Variants in NFXL1 observed in about 807,000 individuals in gnomAD.
NFXL1 encodes nuclear transcription factor, X-box binding like 1, also known as NF-X1-type zinc finger protein NFXL1.
Under a neutral mutation model 123.3 loss-of-function variants are expected in NFXL1, and 66 were observed. The ratio of observed to expected loss-of-function variants is 0.54; its 90% CI spans 0.44 to 0.66. The LOEUF (loss-of-function observed/expected upper bound fraction) is 0.66. NFXL1 is among the 30% of genes least tolerant of loss of function. The pLI is 0.00. For missense variants in NFXL1, 944 were observed against 1,125.6 expected (o/e 0.84, Z 2.31); for synonymous variants, 346 against 360.8 (o/e 0.96, Z 0.46).
intron 20 of NFXL1, among the ~76,000 whole-genome samples, chr4:47,853,940 C>G (rs1277798595): frequency 6.6e-6 from 1 of 152,010 alleles, no homozygotes; most frequent in African/African-American, 2.4e-5. Context: ...GGCCAAAGCC[C>G]AGAAAAGAGT....
intron 19 of NFXL1, among the ~76,000 whole-genome samples, chr4:47,857,222 A>G (rs935568266): frequency 2.0e-5 from 3 of 152,194 alleles, no homozygotes; most frequent in Non-Finnish European, 4.4e-5. Flanking sequence ...GATCACTTCT[A>G]TGTTTTGCAA....
rs1734151913 is a variant in NFXL1, at chr4:47,852,138, AAAGAG to A, written c.2422-201_2422-197del. On this transcript the variant is annotated intron_variant, in intron 20 of 22. Coordinates refer to ENST00000507489, the MANE Select transcript of NFXL1 (RefSeq NM_001278624.2). ...CTTGCTTATTTTCTCTTAACTTAAA[AAAGAG>A]AATACCATAAAATTTTTAAAAATCA... 3 of 461,034 alleles carry A rather than the reference AAAGAG, an allele frequency of 6.5e-6. No homozygotes were observed. The East Asian group carries it at 1.1e-4, about 16-fold the overall frequency. The allele number at this position is 461,034 out of a possible 1,614,324, so 28.6% of individuals were successfully genotyped here. A position where few individuals can be genotyped will look rare whatever the true frequency, so the allele number is the denominator to read the frequency against.
At chr4:47,887,535 A>C (rs1398530157) in intron 12 of NFXL1, among the ~76,000 whole-genome samples, 1 of 152,208 alleles carries the variant, frequency 6.6e-6, no homozygotes, top group African/African-American at 2.4e-5. Context: ...ATGTTAATGC[A>C]AGTCAAGTTA....
At chr4:47,875,028 A>G (rs1735661714) in intron 18 of NFXL1, 99 bp downstream of exon 18, 1 of 670,090 alleles carries the variant, frequency 1.5e-6, no homozygotes, top group African/African-American at 1.9e-5. Context: ...CTAGGCATCT[A>G]GAGTTTAAGC....
rs1737512088 is a variant in NFXL1 at position 47,905,239 on chromosome 4, C to T, written c.514G>A (p.Ala172Thr). 1 of 1,432,032 alleles carries T rather than the reference C, an allele frequency of 7.0e-7. No homozygotes were observed. The highest frequency in any genetic ancestry group is 1.7e-5 in the Admixed American group (1 of 57,264). 88.7% of individuals were successfully genotyped at this position (1,432,032 alleles called of 1,614,324 possible). Residue 172 changes from alanine (A) to threonine (T), a missense_variant and splice_region_variant, in exon 4 of 23, where the codon GCA becomes ACA. Transcript: ENST00000507489. ...ICIASVKRNQ[A>T]VWSCSGCFCI... ...TATAAATAAGGAGAAAAACTTACTGCTTGGTTTCTCTTCACCGAAGCAATA... is the reference window on the plus strand; with the variant it reads ...TATAAATAAGGAGAAAAACTTACTGTTTGGTTTCTCTTCACCGAAGCAATA...
At chr4:47,851,352 A>C (rs1316780278) in intron 21 of NFXL1, among the ~76,000 whole-genome samples, 5 of 152,146 alleles carry the variant, frequency 3.3e-5, no homozygotes, top group Non-Finnish European at 7.4e-5. Context: ...ATGGAGTGTT[A>C]TACCTTATAT....
At chr4:47,855,576 A>G (rs1734362479) in intron 19 of NFXL1, among the ~76,000 whole-genome samples, 1 of 151,930 alleles carries the variant, frequency 6.6e-6, no homozygotes, top group Non-Finnish European at 1.5e-5. Context: ...GGTAATGGAA[A>G]CCATATGCCA....
Position 47,899,421 on chromosome 4 carries a change from G to A in NFXL1, c.775C>T (p.Arg259Cys), listed in dbSNP as rs139473913. Reference sequence around the variant, plus strand: ...TGGCCACAAGGAGGTTTAAATTCACGCTCACATACTTGGCCACATGAATGA... The same window carrying A: ...TGGCCACAAGGAGGTTTAAATTCACACTCACATACTTGGCCACATGAATGA... ...VPHSCGQVCEREFKPPCGHKC... is the reference protein window; with the variant it reads ...VPHSCGQVCECEFKPPCGHKC... The change falls in exon 6 of 23, where the codon CGT becomes TGT. Residue 259 changes from arginine to cysteine, a missense_variant. Coordinates refer to ENST00000507489, the MANE Select transcript of NFXL1 (RefSeq NM_001278624.2). The A allele has an allele frequency of 2.2e-5, 36 of 1,613,744 alleles. No individual in the cohort carries two copies. The highest frequency in any genetic ancestry group is 3.3e-5 in the Admixed American group (2 of 59,984).
chr4:47,888,309 T>C (rs970827260), intron 12 of NFXL1, among the ~76,000 whole-genome samples: 1 of 152,044 alleles, frequency 6.6e-6, no homozygotes, highest in Non-Finnish European at 1.5e-5. Context: ...AATTTTCACA[T>C]ACCCACAACA....
intron 5 of NFXL1, among the ~76,000 whole-genome samples, chr4:47,901,183 T>C (rs1737341623): frequency 6.6e-6 from 1 of 152,218 alleles, no homozygotes; most frequent in South Asian, 2.1e-4. Context: ...AGTAGAAACC[T>C]ATATTTTAAA....
At chr4:47,913,852 A>T (rs1205092011) in intron 2 of NFXL1, 117 bp downstream of exon 2, 3 of 670,814 alleles carry the variant, frequency 4.5e-6, no homozygotes, top group African/African-American at 3.7e-5. Flanking sequence ...GCCCGATAAC[A>T]AACTCCCGAA....
In NFXL1 at chr4:47,878,505, A is replaced by G; in HGVS notation, c.2079+20T>C. The stretch of plus-strand genomic sequence containing the variant: ...TCAAGAATACTATGGGCAGATATAC[A>G]TTCAATCTAAGAACATTACCTTGTT... On this transcript the variant is annotated intron_variant, in intron 17 of 22. Transcript: ENST00000507489. The G allele has an allele frequency of 1.3e-6, 2 of 1,521,282 alleles. No homozygotes were observed. The highest frequency in any genetic ancestry group is 1.8e-6 in the Non-Finnish European group (2 of 1,132,138). 94.2% of individuals were successfully genotyped at this position (1,521,282 alleles called of 1,614,324 possible). A position where few individuals can be genotyped will look rare whatever the true frequency, so the allele number is the denominator to read the frequency against.
In NFXL1 at chr4:47,910,871, T is replaced by C. The variant is rs1427421925; in HGVS notation, c.359A>G (p.Gln120Arg). The C allele has an allele frequency of 2.5e-6, 4 of 1,602,580 alleles. No individual in the cohort carries two copies. In the East Asian group the frequency reaches 6.7e-5, roughly 27 times the overall value. The change falls in exon 3 of 23, where the codon CAG becomes CGG. Residue 120 changes from glutamine (Q) to arginine (R), a missense_variant. Around this residue, in one of 4 missense-constraint regions of NFXL1, gnomAD observed 303 missense variants for 292.1 expected, o/e 1.04. Coordinates refer to ENST00000507489, the MANE Select transcript of NFXL1 (RefSeq NM_001278624.2). ...EEGDEDFEGKQGKILANTFIT... is the reference protein window; with the variant it reads ...EEGDEDFEGKRGKILANTFIT... ...AAACGTATTTGCAAGTATTTTTCCCTGTTTTCCTTCAAAATCTTCATCTCC... is the reference window on the plus strand; with the variant it reads ...AAACGTATTTGCAAGTATTTTTCCCCGTTTTCCTTCAAAATCTTCATCTCC...
At chr4:47,903,101 G>C in intron 5 of NFXL1, 92 bp downstream of exon 5, 1 of 777,536 alleles carries the variant, frequency 1.3e-6, no homozygotes, top group Admixed American at 3.1e-5. Flanking sequence ...GTTGCAGTGA[G>C]CCAAGATCGC....
chr4:47,876,314 T>C (rs1469702991), intron 17 of NFXL1, among the ~76,000 whole-genome samples: 1 of 151,958 alleles, frequency 6.6e-6, no homozygotes, highest in African/African-American at 2.4e-5. Flanking sequence ...TAAAGCAGGA[T>C]AAGAAAGAGT....
chr4:47,898,606 A>C, intron 8 of NFXL1, 151 bp downstream of exon 8: 2 of 566,374 alleles, frequency 3.5e-6, no homozygotes, highest in Non-Finnish European at 6.3e-6. Context: ...TAAATTTAAA[A>C]GTAGTTTCTT....
intron 22 of NFXL1, 41 bp downstream of exon 22, chr4:47,851,054 T>C (rs750792827): frequency 1.4e-6 from 2 of 1,451,476 alleles, no homozygotes; most frequent in South Asian, 2.3e-5. Flanking sequence ...AATCTAGCAA[T>C]GATGCTAAGA....
intron 19 of NFXL1, among the ~76,000 whole-genome samples, chr4:47,862,468 C>T (rs576374327): frequency 9.2e-5 from 14 of 152,138 alleles, no homozygotes; most frequent in Non-Finnish European, 2.1e-4. Flanking sequence ...CACATGCATA[C>T]ACACACGCAC....
At chr4:47,882,312 AC>A (rs1406467335) in intron 15 of NFXL1, 1 of 152,206 alleles carries the variant, frequency 6.6e-6, no homozygotes, top group Non-Finnish European at 1.5e-5. Flanking sequence ...AAGTTTCCTT[AC>A]CCTTTAAAAA....
Sources: allele counts gnomAD v4.1 joint callset (sites outside exome capture counted in the v4.1 genomes callset), GRCh38; gene constraint gnomAD v4.1.1; regional missense constraint gnomAD v4.1.1; transcripts MANE v1.5; gene names NCBI Gene and HGNC (gene_info 2026-07-23, HGNC 2026-07-21).